The following MSRB3 variants were observed in gnomAD, a reference collection of about 807,000 sequenced individuals.
The protein encoded by MSRB3 is methionine-R-sulfoxide reductase B3.
MSRB3 carries 13 observed loss-of-function variants against 21.0 expected under a neutral mutation model. The observed-to-expected ratio is 0.62, with a 90% CI of 0.40 to 0.98. The LOEUF is 0.98. Among genes scored for constraint, MSRB3 ranks in the 50% least tolerant of loss-of-function variants. The pLI, the probability that MSRB3 is intolerant of heterozygous loss-of-function variation, is 0.00. For synonymous variants in MSRB3, 87 were observed against 88.6 expected (o/e 0.98, Z 0.10); for missense variants, 199 against 230.3 (o/e 0.86, Z 0.88).
chr12:65,302,552 T>C (rs1001754692), intron 1 of MSRB3, among the ~76,000 whole-genome samples: 3 of 151,628 alleles, frequency 2.0e-5, no homozygotes, highest in African/African-American at 7.3e-5. Context: ...TATAGATGAA[T>C]TGAGTAAGTT....
intron 1 of MSRB3, chr12:65,285,108 TA>T (rs1310030562): frequency 6.6e-6 from 1 of 152,236 alleles, no homozygotes; most frequent in African/African-American, 2.4e-5. Context: ...TGGGGTCCTT[TA>T]TGGTTACTTT....
intron 5 of MSRB3, among the ~76,000 whole-genome samples, chr12:65,377,890 C>G (rs548708824): frequency 6.6e-6 from 1 of 152,170 alleles, no homozygotes; most frequent in Non-Finnish European, 1.5e-5. Flanking sequence ...TATCACTTTT[C>G]CTCTTCTGAG....
chr12:65,294,648 C>A (rs941392212), intron 1 of MSRB3, among the ~76,000 whole-genome samples: 5 of 152,120 alleles, frequency 3.3e-5, no homozygotes, highest in African/African-American at 1.2e-4. Context: ...CCTTCTAGGC[C>A]ATTTTTTTGT....
Position 65,453,723 on chromosome 12 carries a change from C to G in MSRB3, c.293-5C>G, listed in dbSNP as rs535883095. 3.7e-6 allele frequency: 6 copies of G among 1,612,436 alleles called. No individual in the cohort carries two copies. Among genetic ancestry groups the G allele is most frequent in the Admixed American group, 3.3e-5 (2 of 59,978 alleles). ...GCTTTGATTCTTGTGCCTGCTGTGT[C>G]CCAGGTTGGCCTTCATTCCACGATG... On this transcript the variant is annotated splice_region_variant and splice_polypyrimidine_tract_variant and intron_variant, in intron 5 of 6. Transcript: ENST00000308259.
At chr12:65,443,629 C>G (rs987601507) in intron 5 of MSRB3, among the ~76,000 whole-genome samples, 1 of 151,876 alleles carries the variant, frequency 6.6e-6, no homozygotes, top group Non-Finnish European at 1.5e-5. Context: ...ATTCAGTTCC[C>G]GGGGAGGGTT....
rs778550767 is a variant in MSRB3 at position 65,328,645 on chromosome 12, T to C, written c.263+42T>C. On this transcript the variant is annotated intron_variant, in intron 4 of 6. Coordinates refer to ENST00000308259, the MANE Select transcript of MSRB3 (RefSeq NM_001031679.3). ...CCTATAGGTATGGCTGTATCATAGATGGCAGCAAACTAGTTATTGCTTTTT... is the reference window on the plus strand; with the variant it reads ...CCTATAGGTATGGCTGTATCATAGACGGCAGCAAACTAGTTATTGCTTTTT... 20 of 1,307,002 alleles carry C rather than the reference T, an allele frequency of 1.5e-5. No individual in the cohort carries two copies. In the Admixed American group the frequency reaches 2.4e-4, roughly 15 times the overall value. The allele number at this position is 1,307,002 out of a possible 1,614,324, so 81.0% of individuals were successfully genotyped here. A position where few individuals can be genotyped will look rare whatever the true frequency, so the allele number is the denominator to read the frequency against.
intron 4 of MSRB3, among the ~76,000 whole-genome samples, chr12:65,337,266 A>T (rs780452259): frequency 6.8e-6 from 1 of 147,898 alleles, no homozygotes; most frequent in Non-Finnish European, 1.5e-5. Context: ...AACAAAACAA[A>T]ACAAAAAAAA....
chr12:65,311,446 AATCTGT>A (rs1873980654), intron 2 of MSRB3, among the ~76,000 whole-genome samples: 1 of 151,974 alleles, frequency 6.6e-6, no homozygotes, highest in South Asian at 2.1e-4. Flanking sequence ...GATTTAGCAA[AATCTGT>A]ATCATCATCA....
intron 4 of MSRB3, among the ~76,000 whole-genome samples, chr12:65,334,257 C>A (rs1449677142): frequency 6.6e-6 from 1 of 152,144 alleles, no homozygotes; most frequent in Non-Finnish European, 1.5e-5. Context: ...ACAGCACTTA[C>A]CATATGTCAG....
chr12:65,401,339 G>A (rs1880112724), intron 5 of MSRB3, among the ~76,000 whole-genome samples: 1 of 152,148 alleles, frequency 6.6e-6, no homozygotes, highest in Non-Finnish European at 1.5e-5. Flanking sequence ...TCTTCTTGTT[G>A]CATTGATTCC....
chr12:65,367,914 C>T (rs1992227), intron 4 of MSRB3, among the ~76,000 whole-genome samples: 98,362 of 139,958 alleles, frequency 0.7, 34,168 homozygotes, highest in East Asian at 0.95. Context: ...TTTACATATA[C>T]ATATACACAC....
At chr12:65,415,759 A>G (rs181009395) in intron 5 of MSRB3, among the ~76,000 whole-genome samples, 1 of 152,294 alleles carries the variant, frequency 6.6e-6, no homozygotes, top group Admixed American at 6.5e-5. Flanking sequence ...CAAAAATTAG[A>G]CTGAAAGAAA....
At chr12:65,333,434 A>G (rs955753394) in intron 4 of MSRB3, among the ~76,000 whole-genome samples, 1 of 152,192 alleles carries the variant, frequency 6.6e-6, no homozygotes, top group African/African-American at 2.4e-5. Context: ...CAGGTGGAGG[A>G]TGCCTAGTAG....
At position 65,278,792 on chromosome 12, in the gene MSRB3, G is replaced by A; in HGVS notation, c.-125G>A. On this transcript the variant is annotated 5_prime_UTR_variant, in exon 1 of 7. Transcript: ENST00000308259. ...CCATGAGCCCGCGGCGGACCCTCCC[G>A]CGCCCCCTCTCGCTCTGCCTCTCCC... 2 of 1,572,826 alleles carry A rather than the reference G, an allele frequency of 1.3e-6. 1 individual carries two copies. The highest frequency in any genetic ancestry group is 2.3e-5 in the South Asian group (2 of 85,650).
intron 1 of MSRB3, among the ~76,000 whole-genome samples, chr12:65,297,079 T>C (rs575352961): frequency 2.0e-5 from 3 of 152,290 alleles, no homozygotes; most frequent in African/African-American, 7.2e-5. Context: ...GGGACATGGA[T>C]GGAGCTGGAA....
intron 2 of MSRB3, among the ~76,000 whole-genome samples, chr12:65,314,839 AATG>A (rs1372412481): frequency 6.6e-6 from 1 of 152,222 alleles, no homozygotes; most frequent in Admixed American, 6.5e-5. Context: ...TCTGAAAACA[AATG>A]ATAATTCTAC....
intron 5 of MSRB3, among the ~76,000 whole-genome samples, chr12:65,398,227 C>T (rs1879922032): frequency 6.6e-6 from 1 of 152,208 alleles, no homozygotes. Flanking sequence ...CTCCTACCAA[C>T]AGTGTAAAAG....
chr12:65,307,013 T>C (rs1476752130), intron 1 of MSRB3: 3 of 985,790 alleles, frequency 3.0e-6, no homozygotes, highest in Non-Finnish European at 3.6e-6. Flanking sequence ...ACAGTGAGAC[T>C]GCAGCTTTGC....
At chr12:65,306,742 G>T in intron 1 of MSRB3, 1 of 725,182 alleles carries the variant, frequency 1.4e-6, no homozygotes. Flanking sequence ...GGCTATTTGG[G>T]TAGAAATACA....
Sources: allele counts gnomAD v4.1 joint callset (sites outside exome capture counted in the v4.1 genomes callset), GRCh38; gene constraint gnomAD v4.1.1; transcripts MANE v1.5; gene names NCBI Gene and HGNC (gene_info 2026-07-23, HGNC 2026-07-21).